Variants in ZDBF2 observed in about 807,000 individuals in gnomAD.
ZDBF2 encodes zinc finger DBF-type containing 2.
ZDBF2 carries 6 observed loss-of-function variants against 9.4 expected under a neutral mutation model. The ratio of observed to expected loss-of-function variants is 0.64; its 90% CI spans 0.35 to 1.27. ZDBF2 has a LOEUF of 1.27. ZDBF2 is among the 50% of genes most tolerant of loss of function. The pLI is 0.03. For missense variants in ZDBF2, 2,697 were observed against 2,766.8 expected, an observed-to-expected ratio of 0.97 and a Z score of 0.57; for synonymous variants, 905 against 946.3, an observed-to-expected ratio of 0.96 and a Z score of 0.80.
Position 206,307,946 on chromosome 2 carries a change from C to T in ZDBF2, c.3418C>T (p.Leu1140Phe), listed in dbSNP as rs373924150. The part of the protein sequence containing the change: ...QPKVAIKHVN[L>F]GNENHMYLEV... ...CAAAGTAGCTATTAAACATGTGAAC[C>T]TTGGGAATGAAAACCATATGTACTT... is the stretch of plus-strand genomic sequence containing the variant. Residue 1140 changes from leucine (L) to phenylalanine (F), a missense_variant, in exon 5 of 5, where the codon CTT becomes TTT. Coordinates refer to ENST00000374423, the MANE Select transcript of ZDBF2 (RefSeq NM_020923.3). The T allele has an allele frequency of 2.5e-6, 4 of 1,613,494 alleles. No homozygotes were observed. Among genetic ancestry groups the T allele is most frequent in the African/African-American group, 1.3e-5 (1 of 74,902 alleles).
chr2:206,294,128 G>A (rs983972506), intron 3 of ZDBF2, among the ~76,000 whole-genome samples: 1 of 152,076 alleles, frequency 6.6e-6, no homozygotes, highest in Non-Finnish European at 1.5e-5. Flanking sequence ...TAAGCTGAAT[G>A]CAATAGCATA....
chr2:206,303,226 C>CT (rs200331186), intron 4 of ZDBF2, among the ~76,000 whole-genome samples: 4,973 of 132,076 alleles, frequency 0.038, 147 homozygotes, highest in East Asian at 0.17. Flanking sequence ...ACAGTTTAAT[C>CT]TTTTTTTTTT....
chr2:206,305,762 T>G lies in ZDBF2; in HGVS notation c.1234T>G (p.Ser412Ala). The G allele has an allele frequency of 6.2e-7, 1 of 1,613,704 alleles. No homozygotes were observed. The highest frequency in any genetic ancestry group is 8.5e-7 in the Non-Finnish European group (1 of 1,179,798). The change falls in exon 5 of 5, where the codon TCC (serine) becomes GCC (alanine). Residue 412 changes from serine to alanine, a missense_variant. Around this residue, in one of 3 missense-constraint regions of ZDBF2, gnomAD observed 910 missense variants for 973.6 expected, o/e 0.93. Transcript: ENST00000374423. ...RGSEMSFDCS[S>A]SFHSLTDQSK... is the part of the protein sequence containing the mutation. ...TTCAGAAATGAGTTTTGATTGCAGTTCCTCTTTTCATTCACTGACTGACCA... is the reference window on the plus strand; with the variant it reads ...TTCAGAAATGAGTTTTGATTGCAGTGCCTCTTTTCATTCACTGACTGACCA...
intron 3 of ZDBF2, among the ~76,000 whole-genome samples, chr2:206,283,175 A>G (rs760192052): frequency 2.2e-4 from 33 of 152,058 alleles, no homozygotes; most frequent in Non-Finnish European, 4.3e-4. Context: ...TGCTATGGAT[A>G]TATGTGTACA....
intron 3 of ZDBF2, among the ~76,000 whole-genome samples, chr2:206,296,384 A>G (rs1692179325): frequency 6.6e-6 from 1 of 152,168 alleles, no homozygotes; most frequent in Non-Finnish European, 1.5e-5. Context: ...TATTAGATCA[A>G]CTGTTGGATA....
In ZDBF2 at chr2:206,274,939, C is replaced by T. The variant is rs1162447508; in HGVS notation, c.-110C>T. 6.6e-6 allele frequency: 1 copy of T among 150,838 alleles called. No homozygotes were observed. Among genetic ancestry groups the T allele is most frequent in the African/African-American group, 2.4e-5 (1 of 41,262 alleles). 9.3% of individuals were successfully genotyped at this position (150,838 alleles called of 1,614,324 possible). A position where few individuals can be genotyped will look rare whatever the true frequency, so the allele number is the denominator to read the frequency against. ...GGCCCGGAAGGAATCCGGGCAGCCTCCGCGGAGGTGAGTGCCGCGGCGGGG... is the reference window on the plus strand; with the variant it reads ...GGCCCGGAAGGAATCCGGGCAGCCTTCGCGGAGGTGAGTGCCGCGGCGGGG... On this transcript the variant is annotated 5_prime_UTR_variant, in exon 1 of 5. Transcript: ENST00000374423.
Position 206,297,231 on chromosome 2 carries a change from CTTTT to C in ZDBF2, c.61-12_61-9del. The C allele has an allele frequency of 8.7e-7, 1 of 1,146,220 alleles. No homozygotes were observed. Among genetic ancestry groups the C allele is most frequent in the Non-Finnish European group, 1.3e-6 (1 of 760,654 alleles). The allele number at this position is 1,146,220 out of a possible 1,614,324, so 71.0% of individuals were successfully genotyped here. On this transcript the variant is annotated splice_polypyrimidine_tract_variant and intron_variant, in intron 3 of 4. Coordinates refer to ENST00000374423, the MANE Select transcript of ZDBF2 (RefSeq NM_020923.3). ...CTGTCCATTTAAAAATATTCCATTTCTTTTTTCTTTATAGCATTTGTTCAGTGCT... is the reference window on the plus strand; with the variant it reads ...CTGTCCATTTAAAAATATTCCATTTCTTCTTTATAGCATTTGTTCAGTGCT...
Position 206,308,622 on chromosome 2 carries a change from A to G in ZDBF2, c.4094A>G (p.Glu1365Gly). 1 of 1,613,052 alleles carries G rather than the reference A, an allele frequency of 6.2e-7. No homozygotes were observed. Among genetic ancestry groups the G allele is most frequent in the Non-Finnish European group, 8.5e-7 (1 of 1,179,846 alleles). The change falls in exon 5 of 5, where the codon GAA becomes GGA. Residue 1365 changes from glutamate to glycine, a missense_variant. Glu to Gly is a moderately conservative substitution (Grantham distance 98, BLOSUM62 -2). Around this residue, in one of 3 missense-constraint regions of ZDBF2, gnomAD observed 1,783 missense variants for 1,776.5 expected, o/e 1.00. Transcript: ENST00000374423. The part of the protein sequence containing the change: ...EDKSSNSYSP[E>G]ESSDSNDSFQ... ...AAGAGCAGTAATTCTTATAGTCCTG[A>G]AGAAAGTTCTGATTCCAATGACTCT... is the stretch of plus-strand genomic sequence containing the variant.
In ZDBF2 at chr2:206,310,309, T is replaced by TA. The variant is rs1693090758; in HGVS notation, c.5783dup (p.Gln1929AlafsTer17). On this transcript the variant is annotated frameshift_variant, in exon 5 of 5. Transcript: ENST00000374423. LOFTEE classifies it low-confidence loss of function (END_TRUNC). The stretch of plus-strand genomic sequence containing the variant: ...GTCATCCTCCAGCAGAGAGGCCTCC[T>TA]AAGCAAAAGGGGCGTGTGGCTTCTC... The TA allele has an allele frequency of 6.2e-7, 1 of 1,613,770 alleles. No individual in the cohort carries two copies. The highest frequency in any genetic ancestry group is 8.5e-7 in the Non-Finnish European group (1 of 1,179,886).
At chr2:206,297,480 A>G (rs1559142515) in intron 4 of ZDBF2, 107 bp downstream of exon 4, 7 of 1,123,014 alleles carry the variant, frequency 6.2e-6, no homozygotes, top group Non-Finnish European at 7.4e-6. Flanking sequence ...GTCAAGGAAT[A>G]TAAAGTAAAA....
Position 206,304,968 on chromosome 2 carries a change from A to T in ZDBF2, c.440A>T (p.Gln147Leu). 6.2e-7 allele frequency: 1 copy of T among 1,613,710 alleles called. No individual in the cohort carries two copies. The highest frequency in any genetic ancestry group is 8.5e-7 in the Non-Finnish European group (1 of 1,179,784). Residue 147 changes from glutamine (Q) to leucine (L), a missense_variant, in exon 5 of 5, where the codon CAG becomes CTG. Physicochemically the swap from Gln to Leu is moderately radical, Grantham distance 113. Coordinates refer to ENST00000374423, the MANE Select transcript of ZDBF2 (RefSeq NM_020923.3). Reference sequence around the variant, plus strand: ...CAAAAACTGGAGAAGGGACAGCAGCAGCCCTTGGAGTTTGTTCATAAAATT... The same window carrying T: ...CAAAAACTGGAGAAGGGACAGCAGCTGCCCTTGGAGTTTGTTCATAAAATT... ...VIQKLEKGQQQPLEFVHKIGA... is the reference protein window; with the variant it reads ...VIQKLEKGQQLPLEFVHKIGA...
chr2:206,303,994 C>T (rs899541644), intron 4 of ZDBF2, among the ~76,000 whole-genome samples: 1 of 152,174 alleles, frequency 6.6e-6, no homozygotes, highest in African/African-American at 2.4e-5. Flanking sequence ...TATTACCCCT[C>T]CCTCCGCTCA....
intron 3 of ZDBF2, among the ~76,000 whole-genome samples, chr2:206,287,440 G>T (rs1213717740): frequency 1.3e-5 from 2 of 152,194 alleles, no homozygotes; most frequent in Admixed American, 1.3e-4. Context: ...GAAAGCTGCT[G>T]TTAGTCTAAC....
Position 206,312,130 on chromosome 2 carries a change from ACTC to A in ZDBF2, c.*543_*545del, listed in dbSNP as rs2105785514. Reference sequence around the variant, plus strand: ...GTGATTTTTTTTATGCATAGCACAAACTCCTCCTGCTTCATTTAAATTGGATCT... The same window carrying A: ...GTGATTTTTTTTATGCATAGCACAAACTCCTGCTTCATTTAAATTGGATCT... On this transcript the variant is annotated 3_prime_UTR_variant, in exon 5 of 5. Transcript: ENST00000374423. 6.6e-6 allele frequency: 1 copy of A among 151,880 alleles called. No individual in the cohort carries two copies. The highest frequency in any genetic ancestry group is 2.4e-5 in the African/African-American group (1 of 41,410). The allele number at this position is 151,880 out of a possible 1,614,324, so 9.4% of individuals were successfully genotyped here. A position where few individuals can be genotyped will look rare whatever the true frequency, so the allele number is the denominator to read the frequency against.
rs1235552730 is a variant in ZDBF2 at position 206,310,328 on chromosome 2, G to A, written c.5800G>A (p.Ala1934Thr). ...ERPPKQKGRVASQCQTAKISH... is the reference protein window; with the variant it reads ...ERPPKQKGRVTSQCQTAKISH... ...GCCTCCTAAGCAAAAGGGGCGTGTG[G>A]CTTCTCAATGCCAGACAGCGAAAAT... Residue 1934 changes from alanine (A) to threonine (T), a missense_variant, in exon 5 of 5, where the codon GCT becomes ACT. Ala to Thr is a moderately conservative substitution (Grantham distance 58, BLOSUM62 0). Transcript: ENST00000374423. 1 of 1,613,894 alleles carries A rather than the reference G, an allele frequency of 6.2e-7. No homozygotes were observed. The highest frequency in any genetic ancestry group is 8.5e-7 in the Non-Finnish European group (1 of 1,179,882).
At position 206,297,287 on chromosome 2, in the gene ZDBF2, T is replaced by C. The variant is rs771418773; in HGVS notation, c.102T>C (p.Ser34=). ...SAQHRSLTRQ[S]RRQICTSSLM... ...AGCACAGGAGTTTGACCAGACAGAGTAGACGTCAAATATGTACCAGTAGTT... is the reference window on the plus strand; with the variant it reads ...AGCACAGGAGTTTGACCAGACAGAGCAGACGTCAAATATGTACCAGTAGTT... The change falls in exon 4 of 5, where the codon AGT becomes AGC. Residue 34 remains serine (S), a synonymous_variant. Transcript: ENST00000374423. 6.5e-5 allele frequency: 103 copies of C among 1,576,190 alleles called. 3 individuals carry two copies. The South Asian group carries it at 1.1e-3, about 16-fold the overall frequency.
chr2:206,307,539 C>G lies in ZDBF2; in HGVS notation c.3011C>G (p.Ser1004Cys), dbSNP rs1692877340. 6.2e-7 allele frequency: 1 copy of G among 1,613,766 alleles called. No homozygotes were observed. The highest frequency in any genetic ancestry group is 8.5e-7 in the Non-Finnish European group (1 of 1,179,764). Residue 1004 changes from serine to cysteine, a missense_variant, in exon 5 of 5, where the codon TCT becomes TGT. Ser to Cys is a moderately radical substitution (Grantham distance 112). Around this residue, in one of 3 missense-constraint regions of ZDBF2, gnomAD observed 1,783 missense variants for 1,776.5 expected, o/e 1.00. Transcript: ENST00000374423. Reference sequence around the variant, plus strand: ...AGTGGTTCAAAAACAAGTTTAGATTCTGGTGTCCCTCATTATTCAGTAACT... The same window carrying G: ...AGTGGTTCAAAAACAAGTTTAGATTGTGGTGTCCCTCATTATTCAGTAACT... ...EFSGSKTSLD[S>C]GVPHYSVTEP...
At position 206,311,434 on chromosome 2, in the gene ZDBF2, A is replaced by G. The variant is rs375971998; in HGVS notation, c.6906A>G (p.Ala2302=). Residue 2302 remains alanine, a synonymous_variant, in exon 5 of 5, where the codon GCA becomes GCG. Coordinates refer to ENST00000374423, the MANE Select transcript of ZDBF2 (RefSeq NM_020923.3). ...CTGTGCGGGCTTCTTGCCGCGTTGC[A>G]AGAAGGAGGAAGAAGACTGATGAAA... ...KRPVRASCRV[A]RRRKKTDESY... is the part of the protein sequence containing the mutation. 4.3e-6 allele frequency: 7 copies of G among 1,611,262 alleles called. No individual in the cohort carries two copies. The African/African-American group carries it at 8.0e-5, about 18-fold the overall frequency.
intron 4 of ZDBF2, among the ~76,000 whole-genome samples, chr2:206,300,110 AAAAC>A (rs567460508): frequency 1.6e-4 from 24 of 152,180 alleles, no homozygotes; most frequent in African/African-American, 2.2e-4. Flanking sequence ...ACTTGGTCTC[AAAAC>A]AAACAAACAA....
Sources: allele counts gnomAD v4.1 joint callset (sites outside exome capture counted in the v4.1 genomes callset), GRCh38; gene constraint gnomAD v4.1.1; regional missense constraint gnomAD v4.1.1; transcripts MANE v1.5; gene names NCBI Gene and HGNC (gene_info 2026-07-23, HGNC 2026-07-21).